IL31RA: variants seen among roughly 807,000 people sequenced by gnomAD.
IL31RA encodes the protein interleukin-31 receptor subunit alpha.
IL31RA carries 66 observed loss-of-function variants against 83.7 expected under a neutral mutation model. The observed-to-expected ratio is 0.79, with a 90% CI of 0.65 to 0.97. IL31RA has a LOEUF of 0.97. Ranked by LOEUF, IL31RA falls within the 50% of genes least tolerant of loss-of-function variation. IL31RA has a pLI of 0.00. For missense variants in IL31RA, 798 were observed against 919.4 expected (o/e 0.87, Z 1.71); for synonymous variants, 325 against 329.0 (o/e 0.99, Z 0.13).
chr5:55,896,388 G>A lies in IL31RA; in HGVS notation c.811G>A (p.Ala271Thr). ...GGAACTGTGGAGAGTCCTGAAACCAGCTGAGGCGGATGGAAGAAGGCCAGT... is the reference window on the plus strand; with the variant it reads ...GGAACTGTGGAGAGTCCTGAAACCAACTGAGGCGGATGGAAGAAGGCCAGT... ...GLELWRVLKP[A>T]EADGRRPVRL... Residue 271 changes from alanine (A) to threonine (T), a missense_variant, in exon 7 of 15, where the codon GCT (alanine) becomes ACT (threonine). Coordinates refer to ENST00000652347, the MANE Select transcript of IL31RA (RefSeq NM_139017.7). 1 of 1,613,900 alleles carries A rather than the reference G, an allele frequency of 6.2e-7. No homozygotes were observed. The highest frequency in any genetic ancestry group is 2.2e-5 in the East Asian group (1 of 44,864).
At chr5:55,897,834 G>T (rs543416862) in intron 7 of IL31RA, among the ~76,000 whole-genome samples, 7 of 152,338 alleles carry the variant, frequency 4.6e-5, no homozygotes, top group Admixed American at 6.5e-5. Context: ...ATTCCTTCGT[G>T]TGCCTCCAGA....
intron 12 of IL31RA, 132 bp from the exon 13 acceptor site, chr5:55,913,345 A>G (rs1749611312): frequency 1.4e-6 from 1 of 714,906 alleles, no homozygotes; most frequent in African/African-American, 1.8e-5. Context: ...TAGTGGAAAG[A>G]AATTGAATTT....
chr5:55,868,640 T>C (rs1314637322), intron 2 of IL31RA, 151 bp from the exon 3 acceptor site: 6 of 723,032 alleles, frequency 8.3e-6, no homozygotes, highest in African/African-American at 3.5e-5. Flanking sequence ...ATTCTTTCCA[T>C]TGAACCTGAT....
upstream of IL31RA, among the ~76,000 whole-genome samples, chr5:55,850,861 C>T (rs1745036591): frequency 6.6e-6 from 1 of 151,998 alleles, no homozygotes; most frequent in South Asian, 2.1e-4. Flanking sequence ...GAGGCCGAGG[C>T]AGGTGGATCA....
At chr5:55,871,814 T>C (rs1357434261) in intron 3 of IL31RA, among the ~76,000 whole-genome samples, 1 of 133,516 alleles carries the variant, frequency 7.5e-6, no homozygotes, top group Non-Finnish European at 1.6e-5. Context: ...AAATACAGTA[T>C]GTTAAAAACC....
chr5:55,915,268 A>G (rs1749722336), intron 14 of IL31RA, among the ~76,000 whole-genome samples: 2 of 152,216 alleles, frequency 1.3e-5, no homozygotes, highest in Admixed American at 6.5e-5. Context: ...AGCCTTGGCT[A>G]TAGGATTTGA....
At chr5:55,892,706 C>T (rs1340285054) in intron 6 of IL31RA, among the ~76,000 whole-genome samples, 1 of 152,146 alleles carries the variant, frequency 6.6e-6, no homozygotes, top group Non-Finnish European at 1.5e-5. Flanking sequence ...TTCTAGTGAC[C>T]TCCTGGTGCC....
Position 55,858,131 on chromosome 5 carries a change from A to G in IL31RA, c.64-1378A>G, listed in dbSNP as rs189636571. Among the ~76,000 whole-genome samples, 381 of 152,254 alleles carry G rather than the reference A, an allele frequency of 2.5e-3. 1 individual carries two copies. The highest frequency in any genetic ancestry group is 0.01 in the Middle Eastern group (3 of 294). On this transcript the variant is annotated intron_variant, in intron 1 of 14. Transcript: ENST00000652347. ...ACCATTAACTTAAAAATATTTTAAT[A>G]TTTTATTCAACATTTAATATTGATA...
intron 4 of IL31RA, among the ~76,000 whole-genome samples, chr5:55,874,613 T>C (rs1021669887): frequency 6.6e-6 from 1 of 152,160 alleles, no homozygotes; most frequent in Non-Finnish European, 1.5e-5. Context: ...TATTCCAAAG[T>C]ATTTTATTCT....
intron 11 of IL31RA, chr5:55,909,010 A>G: frequency 1.8e-6 from 1 of 554,700 alleles, no homozygotes; most frequent in Non-Finnish European, 2.4e-6. Flanking sequence ...ATTTCTGCCC[A>G]AATAGAAGCC....
intron 11 of IL31RA, among the ~76,000 whole-genome samples, chr5:55,909,597 T>A (rs1749369042): frequency 6.6e-6 from 1 of 152,152 alleles, no homozygotes; most frequent in African/African-American, 2.4e-5. Context: ...TTAAAAAAAA[T>A]TATTATGGCT....
At chr5:55,916,383 A>AG (rs1484614737) in intron 14 of IL31RA, among the ~76,000 whole-genome samples, 4 of 151,198 alleles carry the variant, frequency 2.6e-5, no homozygotes, top group Non-Finnish European at 5.9e-5. Context: ...CCTGTCTCAA[A>AG]AAAAAAAAAA....
intron 5 of IL31RA, among the ~76,000 whole-genome samples, chr5:55,886,974 C>A (rs573377669): frequency 1.1e-4 from 17 of 152,330 alleles, no homozygotes; most frequent in Admixed American, 9.1e-4. Flanking sequence ...TCCAGTTACA[C>A]TGTAAATTCT....
intron 14 of IL31RA, among the ~76,000 whole-genome samples, chr5:55,916,069 A>G (rs1749762581): frequency 6.6e-6 from 1 of 152,218 alleles, no homozygotes; most frequent in Non-Finnish European, 1.5e-5. Context: ...ATAGCCTTGC[A>G]CACTCTAGCA....
intron 1 of IL31RA, chr5:55,853,576 T>C (rs780833470): frequency 2.6e-6 from 4 of 1,549,778 alleles, no homozygotes. Context: ...AGGTGAGTGC[T>C]AATTCATTTA....
At chr5:55,898,499 G>C (rs1005729679) in intron 7 of IL31RA, among the ~76,000 whole-genome samples, 1 of 151,654 alleles carries the variant, frequency 6.6e-6, no homozygotes, top group Non-Finnish European at 1.5e-5. Flanking sequence ...AATGTGAATT[G>C]TATCTCAATT....
chr5:55,843,327 A>G, the IL31RA span, among the ~76,000 whole-genome samples: 1 of 152,156 alleles, frequency 6.6e-6, no homozygotes, highest in African/African-American at 2.4e-5. Context: ...GATTTCCAGA[A>G]AAAGAAATGT....
rs769949718 is a variant in IL31RA, at chr5:55,917,140, C to T, written c.*20C>T. ...GTCTAAATGCGACCATAGCATGAGA[C>T]CCTCGGGGCCTCAGTGTGGATGGCC... On this transcript the variant is annotated 3_prime_UTR_variant, in exon 15 of 15. Transcript: ENST00000652347. 3 of 1,613,888 alleles carry T rather than the reference C, an allele frequency of 1.9e-6. No homozygotes were observed. Among genetic ancestry groups the T allele is most frequent in the Non-Finnish European group, 2.5e-6 (3 of 1,180,028 alleles).
intron 6 of IL31RA, among the ~76,000 whole-genome samples, chr5:55,892,436 T>C (rs965674572): frequency 6.6e-6 from 1 of 152,228 alleles, no homozygotes; most frequent in Admixed American, 6.5e-5. Context: ...ATTTATTCCT[T>C]TGGATCCTGG....
Sources: allele counts gnomAD v4.1 joint callset (sites outside exome capture counted in the v4.1 genomes callset), GRCh38; gene constraint gnomAD v4.1.1; transcripts MANE v1.5; gene names NCBI Gene and HGNC (gene_info 2026-07-23, HGNC 2026-07-21).